The following FDFT1 variants were observed in gnomAD, a reference collection of about 807,000 sequenced individuals.
The protein encoded by FDFT1 is squalene synthase.
Under a neutral mutation model 46.8 loss-of-function variants are expected in FDFT1, and 68 were observed. The observed-to-expected ratio is 1.45, with a 90% CI of 1.19 to 1.78. The LOEUF (loss-of-function observed/expected upper bound fraction) is 1.78, where lower values mean the gene tolerates loss of function less well. Ranked by LOEUF, FDFT1 falls within the 40% of genes most tolerant of loss-of-function variation. The pLI is 0.00. For missense variants in FDFT1, 928 were observed against 524.4 expected, an observed-to-expected ratio of 1.77 and a Z score of -7.52; for synonymous variants, 351 against 185.1, an observed-to-expected ratio of 1.90 and a Z score of -7.28.
chr8:11,811,244 A>G (rs1807673699), intron 3 of FDFT1, among the ~76,000 whole-genome samples: 1 of 152,206 alleles, frequency 6.6e-6, no homozygotes, highest in African/African-American at 2.4e-5. Flanking sequence ...ATCTGTGGCG[A>G]TTCATTGATG....
intron 5 of FDFT1, among the ~76,000 whole-genome samples, chr8:11,826,907 C>T (rs1585972101): frequency 6.6e-6 from 1 of 152,168 alleles, no homozygotes; most frequent in Non-Finnish European, 1.5e-5. Flanking sequence ...TGGATTACGT[C>T]TACACAGTAC....
chr8:11,832,811 CTT>C (rs1563341914), intron 7 of FDFT1, among the ~76,000 whole-genome samples: 2 of 152,070 alleles, frequency 1.3e-5, no homozygotes, highest in African/African-American at 4.8e-5. Context: ...ACACTGTAGA[CTT>C]TATGAAAACA....
At chr8:11,797,275 T>A (rs1404465789), upstream of FDFT1, among the ~76,000 whole-genome samples, 1 of 152,130 alleles carries the variant, frequency 6.6e-6, no homozygotes, top group Non-Finnish European at 1.5e-5. Flanking sequence ...CAGCAGCGGT[T>A]GTTTAAGCCA....
At chr8:11,809,947 A>G (rs1354192100) in intron 3 of FDFT1, 97 bp downstream of exon 3, 5 of 934,704 alleles carry the variant, frequency 5.3e-6, no homozygotes, top group Non-Finnish European at 7.9e-6. Context: ...AAGGTTAAAT[A>G]AGCATTCTGA....
chr8:11,822,464 G>A (rs771184101), intron 4 of FDFT1, among the ~76,000 whole-genome samples: 3 of 152,168 alleles, frequency 2.0e-5, no homozygotes, highest in Non-Finnish European at 4.4e-5. Flanking sequence ...TGGAACTGCT[G>A]ATTTGTGCTT....
chr8:11,802,689 G>T, upstream of FDFT1: 2 of 661,450 alleles, frequency 3.0e-6, no homozygotes, highest in Non-Finnish European at 2.6e-6. Context: ...TGGGCGGAGC[G>T]GCGGGCGGGG....
chr8:11,803,222 A>G (rs1242145098), intron 1 of FDFT1: 1 of 1,399,916 alleles, frequency 7.1e-7, no homozygotes, highest in East Asian at 3.4e-5. Flanking sequence ...ATCGGCGCTT[A>G]CCGGTATTTT....
intron 4 of FDFT1, among the ~76,000 whole-genome samples, chr8:11,823,348 A>C (rs1434726031): frequency 6.6e-6 from 1 of 152,098 alleles, no homozygotes; most frequent in African/African-American, 2.4e-5. Flanking sequence ...TTATCTTCAA[A>C]TATATTTTTG....
At chr8:11,808,942 C>T (rs1616534) in intron 2 of FDFT1, 51 bp downstream of exon 2, 912,579 of 1,584,844 alleles carry the variant, frequency 0.58, 266,041 homozygotes, top group East Asian at 0.66. Context: ...TGTCCGGGAC[C>T]TTTGAGTGTG....
chr8:11,796,724 T>C (rs1805599690), intron 1 of FDFT1, among the ~76,000 whole-genome samples: 1 of 152,244 alleles, frequency 6.6e-6, no homozygotes, highest in Admixed American at 6.5e-5. Context: ...GCAAGAGTCC[T>C]GACCATTTGG....
rs149500881 is a variant in FDFT1 at position 11,833,410 on chromosome 8, C to G, written c.1032+1740C>G. 1.5e-4 allele frequency among the ~76,000 whole-genome samples: 23 copies of G among 152,316 alleles called. 1 individual carries two copies. Among genetic ancestry groups the G allele is most frequent in the African/African-American group, 4.6e-4 (19 of 41,572 alleles). On this transcript the variant is annotated intron_variant, in intron 7 of 7. Transcript: ENST00000220584. ...AAATGGAATCCTGCTATATTAAGCA[C>G]TATTTATTCATTTTATATAAACTAG... is the stretch of plus-strand genomic sequence containing the variant.
chr8:11,819,304 G>T (rs1184967413), intron 3 of FDFT1, among the ~76,000 whole-genome samples: 6 of 152,070 alleles, frequency 3.9e-5, no homozygotes, highest in Non-Finnish European at 7.4e-5. Flanking sequence ...TTCAACGTTG[G>T]TGAATCTGAC....
chr8:11,802,763 A>C lies in FDFT1; in HGVS notation c.-70A>C. On this transcript the variant is annotated 5_prime_UTR_variant, in exon 1 of 8. Coordinates refer to ENST00000220584, the MANE Select transcript of FDFT1 (RefSeq NM_004462.5). ...CTCGAAGCACCTACTCCACAGGTCC[A>C]GCCGGCCGGTGAGCGCCTGGGGACC... 2.4e-6 allele frequency: 3 copies of C among 1,263,674 alleles called. No individual in the cohort carries two copies. Among genetic ancestry groups the C allele is most frequent in the Non-Finnish European group, 3.4e-6 (3 of 882,506 alleles). 78.3% of individuals were successfully genotyped at this position (1,263,674 alleles called of 1,614,324 possible). A position where few individuals can be genotyped will look rare whatever the true frequency, so the allele number is the denominator to read the frequency against.
intron 3 of FDFT1, among the ~76,000 whole-genome samples, chr8:11,816,085 T>C (rs1167640438): frequency 2.6e-5 from 4 of 152,244 alleles, no homozygotes; most frequent in African/African-American, 9.6e-5. Flanking sequence ...TTTCTACATA[T>C]GGCAAGCCAG....
At chr8:11,834,805 G>A (rs921118678) in intron 7 of FDFT1, among the ~76,000 whole-genome samples, 1 of 152,196 alleles carries the variant, frequency 6.6e-6, no homozygotes, top group African/African-American at 2.4e-5. Flanking sequence ...TTTCAGTCTA[G>A]TAAACATTTA....
intron 2 of FDFT1, 191 bp from the exon 3 acceptor site, chr8:11,809,476 G>T (rs187856994): frequency 7.6e-7 from 1 of 1,322,310 alleles, no homozygotes; most frequent in Non-Finnish European, 9.6e-7. Context: ...AACTACAGAA[G>T]TTCATTACTC....
intron 1 of FDFT1, chr8:11,808,386 G>GCGGGGCTC (rs1807174011): frequency 8.1e-7 from 1 of 1,235,176 alleles, no homozygotes; most frequent in African/African-American, 1.6e-5. Flanking sequence ...CTGCGGGGCT[G>GCGGGGCTC]CGGGGCGGGC....
At chr8:11,832,812 T>G (rs544408585) in intron 7 of FDFT1, among the ~76,000 whole-genome samples, 1 of 152,222 alleles carries the variant, frequency 6.6e-6, no homozygotes, top group Admixed American at 6.5e-5. Flanking sequence ...CACTGTAGAC[T>G]TTATGAAAAC....
At position 11,809,788 on chromosome 8, in the gene FDFT1, C is replaced by T; in HGVS notation, c.319C>T (p.Pro107Ser). 1.2e-6 allele frequency: 2 copies of T among 1,614,194 alleles called. No homozygotes were observed. The highest frequency in any genetic ancestry group is 2.2e-5 in the South Asian group (2 of 91,080). Residue 107 changes from proline (P) to serine (S), a missense_variant, in exon 3 of 8, where the codon CCA becomes TCA. Coordinates refer to ENST00000220584, the MANE Select transcript of FDFT1 (RefSeq NM_004462.5). ...CAACTTTCACTCTTTCCTTTACCAA[C>T]CAGACTGGCGGTTCATGGAGAGCAA... ...LHNFHSFLYQ[P>S]DWRFMESKEK...
Sources: allele counts gnomAD v4.1 joint callset (sites outside exome capture counted in the v4.1 genomes callset), GRCh38; gene constraint gnomAD v4.1.1; transcripts MANE v1.5; gene names NCBI Gene and HGNC (gene_info 2026-07-23, HGNC 2026-07-21).